The following AGRN variants were observed in gnomAD, a reference collection of about 807,000 sequenced individuals.
AGRN encodes the protein agrin, also known as agrin proteoglycan.
In AGRN, 106 loss-of-function variants were observed where a neutral mutation model predicts 211.0. The observed-to-expected ratio is 0.50, with a 90% CI of 0.43 to 0.59. The LOEUF is 0.59. Ranked by LOEUF, AGRN falls within the 20% of genes least tolerant of loss-of-function variation. AGRN has a pLI of 0.00. For synonymous variants in AGRN, 1,525 were observed against 1,332.5 expected (o/e 1.14, Z -3.15); for missense variants, 3,040 against 2,982.6 (o/e 1.02, Z -0.45).
In AGRN at chr1:1,050,264, G is replaced by A. The variant is rs185377620; in HGVS notation, c.4911G>A (p.Leu1637=). Residue 1637 remains leucine, a synonymous_variant, in exon 28 of 36, where the codon CTG becomes CTA. Coordinates refer to ENST00000379370, the MANE Select transcript of AGRN (RefSeq NM_198576.4). The stretch of plus-strand genomic sequence containing the variant: ...GGCAGGACGGCTCTGGGCCCTTCCT[G>A]GCTGACTTCAACGGCTTCTCCCACC... ...ASGQDGSGPF[L]ADFNGFSHLE... The A allele has an allele frequency of 6.2e-6, 10 of 1,613,244 alleles. No homozygotes were observed. In the African/African-American group the frequency reaches 1.1e-4, roughly 17 times the overall value.
At position 1,047,370 on chromosome 1, in the gene AGRN, G is replaced by A. The variant is rs373573642; in HGVS notation, c.3432G>A (p.Glu1144=). 2 of 1,610,178 alleles carry A rather than the reference G, an allele frequency of 1.2e-6. No homozygotes were observed. The highest frequency in any genetic ancestry group is 2.2e-5 in the South Asian group (2 of 90,800). ...FQGVLELEGV[E]GQELFYTPEM... is the part of the protein sequence containing the mutation. Reference sequence around the variant, plus strand: ...GCGTCCTGGAGCTGGAGGGCGTCGAGGGCCAGGAGCTGTTCTACACGCCCG... The same window carrying A: ...GCGTCCTGGAGCTGGAGGGCGTCGAAGGCCAGGAGCTGTTCTACACGCCCG... Residue 1144 remains glutamate, a synonymous_variant, in exon 20 of 36, where the codon GAG becomes GAA. Transcript: ENST00000379370.
intron 2 of AGRN, among the ~76,000 whole-genome samples, chr1:1,025,798 G>A (rs552990577): frequency 2.4e-4 from 36 of 151,138 alleles, no homozygotes; most frequent in Non-Finnish European, 4.7e-4. Flanking sequence ...GGGGCTCCTG[G>A]TAGGAAGTTG....
Position 1,033,133 on chromosome 1 carries a change from A to G in AGRN, c.464-2144A>G, listed in dbSNP as rs114824431. 5.3e-3 allele frequency among the ~76,000 whole-genome samples: 801 copies of G among 151,444 alleles called. 6 individuals carry two copies. Among genetic ancestry groups the G allele is most frequent in the African/African-American group, 0.018 (760 of 41,234 alleles). ...GGGCGTTCCAGCCCCACGGACCCGC[A>G]GGGAGTCCCCGCCGCAATTTGCATG... On this transcript the variant is annotated intron_variant, in intron 2 of 35. Transcript: ENST00000379370.
chr1:1,053,693 T>G, intron 33 of AGRN, 60 bp from the exon 34 acceptor site: 10 of 1,069,158 alleles, frequency 9.4e-6, no homozygotes, highest in African/African-American at 1.6e-5. Context: ...TCCTCCCGCC[T>G]CCCCCACCCT....
rs1361932646 is a variant in AGRN, at chr1:1,045,733, C to T, written c.2537C>T (p.Pro846Leu). The T allele has an allele frequency of 6.2e-7, 1 of 1,613,228 alleles. No homozygotes were observed. The highest frequency in any genetic ancestry group is 1.7e-5 in the Admixed American group (1 of 60,000). The change falls in exon 15 of 36, where the codon CCC becomes CTC. Residue 846 changes from proline (P) to leucine (L), a missense_variant and splice_region_variant. Coordinates refer to ENST00000379370, the MANE Select transcript of AGRN (RefSeq NM_198576.4). ...CGTTCCTCCCCGATTTTCCCCAAAG[C>T]CTGCAGCTGTGATCCCCAAGGCGCC... ...IVTDGRSGCT[P>L]CSCDPQGAVR...
chr1:1,024,160 A>G (rs1293373478), intron 2 of AGRN, among the ~76,000 whole-genome samples: 2 of 151,972 alleles, frequency 1.3e-5, no homozygotes, highest in East Asian at 3.9e-4. Flanking sequence ...GTGGAAGTAG[A>G]CCAGGGATAT....
At chr1:1,054,394 A>G (rs1645395669) in intron 34 of AGRN, 54 bp from the exon 35 acceptor site, 1 of 1,457,822 alleles carries the variant, frequency 6.9e-7, no homozygotes, top group South Asian at 1.2e-5. Context: ...TATGGTCTAG[A>G]GGAGGCAGAG....
intron 3 of AGRN, among the ~76,000 whole-genome samples, chr1:1,037,327 A>G (rs181584462): frequency 7.2e-5 from 11 of 151,832 alleles, no homozygotes; most frequent in Non-Finnish European, 1.2e-4. Flanking sequence ...TTCTTTACAC[A>G]CTGCCCCCTT....
At chr1:1,050,664 G>A in intron 29 of AGRN, 62 bp from the exon 30 acceptor site, 1 of 1,605,066 alleles carries the variant, frequency 6.2e-7, no homozygotes, top group Non-Finnish European at 8.5e-7. Flanking sequence ...GGTCGCTCAG[G>A]CCCTGGGTGG....
At chr1:1,023,230 G>A (rs368018870) in intron 2 of AGRN, among the ~76,000 whole-genome samples, 1 of 152,200 alleles carries the variant, frequency 6.6e-6, no homozygotes, top group African/African-American at 2.4e-5. Flanking sequence ...CCGTCTCTCC[G>A]ATCTGCTCCG....
intron 14 of AGRN, 30 bp downstream of exon 14, chr1:1,045,553 G>C (rs772570908): frequency 2.5e-6 from 4 of 1,610,578 alleles, no homozygotes; most frequent in Non-Finnish European, 3.4e-6. Context: ...ACTGGCCACC[G>C]GCTATGCCCT....
At chr1:1,052,189 C>T (rs1391167624) in intron 33 of AGRN, 1 of 753,792 alleles carries the variant, frequency 1.3e-6, no homozygotes, top group Non-Finnish European at 1.9e-6. Flanking sequence ...TGCAGTCGCC[C>T]CTCCCAGGGC....
chr1:1,042,436 C>T (rs577259688), intron 7 of AGRN, among the ~76,000 whole-genome samples: 69 of 152,320 alleles, frequency 4.5e-4, no homozygotes, highest in African/African-American at 1.6e-3. Flanking sequence ...GTCCGCATGT[C>T]TCCACGCTGT....
At chr1:1,040,590 G>T in intron 3 of AGRN, 75 bp from the exon 4 acceptor site, 2 of 1,512,032 alleles carry the variant, frequency 1.3e-6, no homozygotes, top group Non-Finnish European at 1.8e-6. Flanking sequence ...CTGCGAGCAC[G>T]GCAAGGTCTC....
Position 1,049,718 on chromosome 1 carries a change from A to G in AGRN, c.4667A>G (p.Asn1556Ser), listed in dbSNP as rs1034017399. The stretch of plus-strand genomic sequence containing the variant: ...TGCGGGGACCACCCCTGCCTGCCCA[A>G]CCCCTGCCATGGCGGGGCCCCATGC... ...GECGDHPCLP[N>S]PCHGGAPCQN... Residue 1556 changes from asparagine to serine, a missense_variant, in exon 26 of 36, where the codon AAC becomes AGC. This residue lies in a region of AGRN where 1,537 missense variants were observed against 1,505.0 expected (regional missense o/e 1.02). Transcript: ENST00000379370. 7 of 1,582,340 alleles carry G rather than the reference A, an allele frequency of 4.4e-6. No homozygotes were observed. Among genetic ancestry groups the G allele is most frequent in the Non-Finnish European group, 6.0e-6 (7 of 1,165,872 alleles).
intron 3 of AGRN, among the ~76,000 whole-genome samples, chr1:1,035,654 GC>G (rs1268916750): frequency 1.3e-5 from 2 of 152,242 alleles, no homozygotes; most frequent in Non-Finnish European, 2.9e-5. Context: ...CGGTCAGGGG[GC>G]TCCGCTCTAT....
Position 1,045,602 on chromosome 1 carries a change from T to G in AGRN, c.2536+79T>G, listed in dbSNP as rs376807697. Reference sequence around the variant, plus strand: ...CCCCATCACTGTGCTTCTCCTCACCTGCCCAGGCCCTGGCCTGACCCACAC... The same window carrying G: ...CCCCATCACTGTGCTTCTCCTCACCGGCCCAGGCCCTGGCCTGACCCACAC... On this transcript the variant is annotated intron_variant, in intron 14 of 35. Transcript: ENST00000379370. The G allele has an allele frequency of 6.0e-5, 96 of 1,604,058 alleles. No individual in the cohort carries two copies. In the East Asian group the frequency reaches 6.1e-4, roughly 10 times the overall value.
chr1:1,052,125 A>G, intron 33 of AGRN: 1 of 1,298,610 alleles, frequency 7.7e-7, no homozygotes, highest in Non-Finnish European at 1.0e-6. Flanking sequence ...CTTGTGGCGG[A>G]GGATGGGGGT....
Position 1,042,295 on chromosome 1 carries a change from C to G in AGRN, c.1384+133C>G, listed in dbSNP as rs1322382061. 7 of 1,184,062 alleles carry G rather than the reference C, an allele frequency of 5.9e-6. No homozygotes were observed. The African/African-American group carries it at 9.2e-5, about 16-fold the overall frequency. The allele number at this position is 1,184,062 out of a possible 1,614,324, so 73.3% of individuals were successfully genotyped here. A position where few individuals can be genotyped will look rare whatever the true frequency, so the allele number is the denominator to read the frequency against. ...GAGTGGGCCGGTCCCTCTGGGAAGG[C>G]TCTGGGGAGGGTGGAGCCTGTGTGC... On this transcript the variant is annotated intron_variant, in intron 7 of 35. Coordinates refer to ENST00000379370, the MANE Select transcript of AGRN (RefSeq NM_198576.4).
Sources: allele counts gnomAD v4.1 joint callset (sites outside exome capture counted in the v4.1 genomes callset), GRCh38; gene constraint gnomAD v4.1.1; regional missense constraint gnomAD v4.1.1; transcripts MANE v1.5; gene names NCBI Gene and HGNC (gene_info 2026-07-23, HGNC 2026-07-21).